The following PINX1 variants were observed in gnomAD, a reference collection of about 807,000 sequenced individuals.
The protein encoded by PINX1 is PIN2 (TERF1) interacting telomerase inhibitor 1, also known as PIN2/TERF1-interacting telomerase inhibitor 1.
PINX1 carries 34 observed loss-of-function variants against 25.4 expected under a neutral mutation model. The ratio of observed to expected loss-of-function variants is 1.34; its 90% confidence interval spans 1.02 to 1.78. The LOEUF is 1.78. Among genes scored for constraint, PINX1 ranks in the 40% most tolerant of loss-of-function variants. The pLI is 0.00. For missense variants in PINX1, 592 were observed against 404.9 expected (o/e 1.46, Z -3.97); for synonymous variants, 197 against 147.7 (o/e 1.33, Z -2.42).
At chr8:10,789,381 G>A (rs530419349) in intron 6 of PINX1, among the ~76,000 whole-genome samples, 1 of 152,228 alleles carries the variant, frequency 6.6e-6, no homozygotes, top group African/African-American at 2.4e-5. Context: ...GATCCCCACA[G>A]TCAAGCTAAT....
Position 10,831,704 on chromosome 8 carries a change from G to C in PINX1, c.262C>G (p.Leu88Val). Residue 88 changes from leucine (L) to valine (V), a missense_variant, in exon 4 of 7, where the codon CTG becomes GTG. Physicochemically the swap from Leu to Val is conservative, Grantham distance 32 (BLOSUM62 1). Transcript: ENST00000314787. ...CCATGGCAAGTGTTCAGTTCGGCCA[G>C]AAGCTGGTTAAAATCATCCTGATGG... ...IAHQDDFNQL[L>V]AELNTCHGQE... 1.2e-6 allele frequency: 2 copies of C among 1,603,192 alleles called. No homozygotes were observed. Among genetic ancestry groups the C allele is most frequent in the Non-Finnish European group, 1.7e-6 (2 of 1,173,724 alleles).
At chr8:10,825,145 T>C (rs1469659878) in intron 5 of PINX1, among the ~76,000 whole-genome samples, 1 of 152,230 alleles carries the variant, frequency 6.6e-6, no homozygotes, top group African/African-American at 2.4e-5. Flanking sequence ...CAGCCCTCAC[T>C]TTTGGGCTCC....
intron 6 of PINX1, among the ~76,000 whole-genome samples, chr8:10,802,043 C>A (rs1802280325): frequency 6.6e-6 from 1 of 151,960 alleles, no homozygotes; most frequent in African/African-American, 2.4e-5. Flanking sequence ...TACTGACAAA[C>A]TGGAAGATGT....
chr8:10,804,579 C>T (rs559145790), intron 6 of PINX1, among the ~76,000 whole-genome samples: 8 of 152,120 alleles, frequency 5.3e-5, no homozygotes, highest in East Asian at 3.9e-4. Context: ...GCTCTCAAAA[C>T]GCTCTGAAAG....
intron 1 of PINX1, among the ~76,000 whole-genome samples, chr8:10,838,920 A>G (rs955194548): frequency 3.9e-5 from 6 of 152,222 alleles, no homozygotes; most frequent in African/African-American, 1.4e-4. Flanking sequence ...CTTAGAAAAG[A>G]GAGTGCTAAC....
chr8:10,816,830 GAC>G (rs1233986878), intron 6 of PINX1, among the ~76,000 whole-genome samples: 1 of 96,028 alleles, frequency 1.0e-5, no homozygotes, highest in East Asian at 2.2e-4. Flanking sequence ...GAATTGGACG[GAC>G]ACAGATTTAA....
chr8:10,832,913 G>A lies in PINX1; in HGVS notation c.201C>T (p.Leu67=), dbSNP rs370395173. Residue 67 remains leucine, a synonymous_variant, in exon 3 of 7, where the codon CTC becomes CTT. Coordinates refer to ENST00000314787, the MANE Select transcript of PINX1 (RefSeq NM_017884.6). ...TCACTTCATTATTGATGGTAGCTCC[G>A]AGTCCCAGGTGGTTATTTTTCACTT... ...KVQVKNNHLG[L]GATINNEDNW... 142 of 1,609,782 alleles carry A rather than the reference G, an allele frequency of 8.8e-5. No individual in the cohort carries two copies. Among genetic ancestry groups the A allele is most frequent in the Non-Finnish European group, 1.1e-4 (130 of 1,176,738 alleles).
chr8:10,812,257 T>C (rs1327035325), intron 6 of PINX1, among the ~76,000 whole-genome samples: 1 of 152,184 alleles, frequency 6.6e-6, no homozygotes, highest in Non-Finnish European at 1.5e-5. Context: ...ATTGCTCAAG[T>C]ATGTAAGAAT....
intron 6 of PINX1, among the ~76,000 whole-genome samples, chr8:10,819,070 T>C (rs1797787190): frequency 6.6e-6 from 1 of 152,134 alleles, no homozygotes; most frequent in Admixed American, 6.5e-5. Context: ...CCACTGCCTA[T>C]CCCGTGACTC....
chr8:10,804,068 T>G (rs1159470230), intron 6 of PINX1, among the ~76,000 whole-genome samples: 3 of 152,170 alleles, frequency 2.0e-5, no homozygotes, highest in Non-Finnish European at 4.4e-5. Flanking sequence ...CCAGGGCCTA[T>G]GAAAGTACAA....
At chr8:10,781,956 G>C (rs1801600588) in intron 6 of PINX1, among the ~76,000 whole-genome samples, 1 of 149,622 alleles carries the variant, frequency 6.7e-6, no homozygotes, top group African/African-American at 2.5e-5. Context: ...CAGGTGAATG[G>C]ATAAAGAAAC....
intron 6 of PINX1, among the ~76,000 whole-genome samples, chr8:10,774,968 A>G (rs1256849290): frequency 6.6e-6 from 1 of 152,136 alleles, no homozygotes; most frequent in Non-Finnish European, 1.5e-5. Flanking sequence ...TATCACAATA[A>G]AAAAAAGGCA....
chr8:10,805,561 C>A (rs1423256088), intron 6 of PINX1, among the ~76,000 whole-genome samples: 2 of 148,826 alleles, frequency 1.3e-5, no homozygotes. Context: ...CAGGAAGGGG[C>A]CACACTAGTG....
intron 6 of PINX1, among the ~76,000 whole-genome samples, chr8:10,792,890 T>C (rs1801967617): frequency 6.6e-6 from 1 of 152,202 alleles, no homozygotes; most frequent in African/African-American, 2.4e-5. Flanking sequence ...CATCTCATTA[T>C]CTGAGATGCC....
At chr8:10,829,963 G>T (rs531692587) in intron 4 of PINX1, among the ~76,000 whole-genome samples, 37 of 152,166 alleles carry the variant, frequency 2.4e-4, no homozygotes, top group African/African-American at 8.9e-4. Flanking sequence ...GTATTACACC[G>T]TGCCCAGCCA....
At position 10,782,737 on chromosome 8, in the gene PINX1, TA is replaced by T. The variant is rs1298039242; in HGVS notation, c.472-16822del. 5.9e-5 allele frequency among the ~76,000 whole-genome samples: 9 copies of T among 151,442 alleles called. No homozygotes were observed. The East Asian group carries it at 1.7e-3, about 29-fold the overall frequency. The stretch of plus-strand genomic sequence containing the variant: ...GGCAACAAAGTGAGATCTGTCCAGA[TA>T]AAAAAAAGTACTCAGGAGCCAGACT... On this transcript the variant is annotated intron_variant, in intron 6 of 6. Coordinates refer to ENST00000314787, the MANE Select transcript of PINX1 (RefSeq NM_017884.6).
intron 6 of PINX1, among the ~76,000 whole-genome samples, chr8:10,788,987 G>A (rs1327656882): frequency 6.6e-6 from 1 of 150,730 alleles, no homozygotes; most frequent in African/African-American, 2.4e-5. Flanking sequence ...GGAAAAGCAG[G>A]ATGAGGGTGG....
chr8:10,769,189 GTC>G (rs938785310), intron 6 of PINX1, among the ~76,000 whole-genome samples: 8 of 152,130 alleles, frequency 5.3e-5, no homozygotes, highest in African/African-American at 1.7e-4. Flanking sequence ...TTCGGGAAAT[GTC>G]TCTCTCTCTT....
At chr8:10,831,810 A>G in intron 3 of PINX1, 67 bp from the exon 4 acceptor site, 1 of 869,820 alleles carries the variant, frequency 1.1e-6, no homozygotes, top group Non-Finnish European at 1.9e-6. Flanking sequence ...GAGATGATAC[A>G]TTTTGGAATC....
Sources: gnomAD v4.1 joint callset for allele counts (sites outside exome capture counted in the v4.1 genomes callset) on GRCh38, gnomAD v4.1.1 for gene constraint, MANE v1.5 for transcripts, NCBI Gene and HGNC (gene_info 2026-07-23, HGNC 2026-07-21) for gene names.